HAUS1: variants seen among roughly 807,000 people sequenced by gnomAD.
The protein encoded by HAUS1 is HAUS augmin-like complex subunit 1.
HAUS1 carries 25 observed loss-of-function variants against 38.6 expected under a neutral mutation model. The ratio of observed to expected loss-of-function variants is 0.65; its 90% CI spans 0.47 to 0.91. The LOEUF is 0.91. Ranked by LOEUF, HAUS1 falls within the 40% of genes least tolerant of loss-of-function variation. HAUS1 has a pLI of 0.00. For synonymous variants in HAUS1, 109 were observed against 112.9 expected (o/e 0.97, Z 0.22); for missense variants, 325 against 328.4 (o/e 0.99, Z 0.08).
intron 2 of HAUS1, 180 bp downstream of exon 2, chr18:46,105,548 G>GTA (rs1453402353): frequency 7.7e-5 from 27 of 351,300 alleles, no homozygotes; most frequent in African/African-American, 1.2e-4. Context: ...ATATGTATAT[G>GTA]TATGTGTGTG....
At chr18:46,107,535 C>T (rs1275262952) in intron 2 of HAUS1, among the ~76,000 whole-genome samples, 1 of 152,190 alleles carries the variant, frequency 6.6e-6, no homozygotes, top group Non-Finnish European at 1.5e-5. Flanking sequence ...TGCATCATTA[C>T]TTCTCTTTTC....
chr18:46,123,493 T>C lies in HAUS1; in HGVS notation c.666+129T>C, dbSNP rs1368966842. 9 of 659,202 alleles carry C rather than the reference T, an allele frequency of 1.4e-5. No homozygotes were observed. The African/African-American group carries it at 1.7e-4, about 12-fold the overall frequency. 40.8% of individuals were successfully genotyped at this position (659,202 alleles called of 1,614,324 possible). ...TTTCTTTTCCTTTACCTTTGTACTT[T>C]ATATTCACTGGTATTTATATCTTTT... On this transcript the variant is annotated intron_variant, in intron 6 of 8. Coordinates refer to ENST00000282058, the MANE Select transcript of HAUS1 (RefSeq NM_138443.4).
chr18:46,128,110 C>T lies in HAUS1; in HGVS notation c.822C>T (p.Asp274=), dbSNP rs1912160104. ...AAGCTGAACTTACAAGAAGAGTAGA[C>T]ATGATGGAACTGTGACAAAAGCCAA... The part of the protein sequence containing the change: ...SIEAELTRRV[D]MMEL Residue 274 remains aspartate (D), a synonymous_variant, in exon 9 of 9, where the codon GAC becomes GAT. Transcript: ENST00000282058. 1 of 1,588,586 alleles carries T rather than the reference C, an allele frequency of 6.3e-7. No homozygotes were observed. Among genetic ancestry groups the T allele is most frequent in the Non-Finnish European group, 8.5e-7 (1 of 1,169,682 alleles).
chr18:46,123,083 C>T (rs920738288), intron 5 of HAUS1: 7 of 452,006 alleles, frequency 1.5e-5, no homozygotes, highest in African/African-American at 8.2e-5. Flanking sequence ...TGGTGGTGGG[C>T]GCCTGTAGTC....
At chr18:46,127,022 C>T (rs7229971) in intron 8 of HAUS1, among the ~76,000 whole-genome samples, 24,759 of 151,524 alleles carry the variant, frequency 0.16, 2,916 homozygotes, top group East Asian at 0.42. Context: ...TTTAGTAGGA[C>T]GGGGTTTTGC....
intron 6 of HAUS1, among the ~76,000 whole-genome samples, chr18:46,124,048 T>C (rs1454235428): frequency 6.6e-6 from 1 of 152,112 alleles, no homozygotes; most frequent in Non-Finnish European, 1.5e-5. Context: ...GCCTCCTTTA[T>C]GTTTTGATTC....
chr18:46,126,284 A>G (rs1326649279), intron 8 of HAUS1, among the ~76,000 whole-genome samples: 1 of 152,166 alleles, frequency 6.6e-6, no homozygotes, highest in Non-Finnish European at 1.5e-5. Context: ...CAAAAAACAA[A>G]AAAACACATA....
At chr18:46,123,230 G>A in intron 5 of HAUS1, 69 bp from the exon 6 acceptor site, 2 of 1,098,272 alleles carry the variant, frequency 1.8e-6, no homozygotes, top group Non-Finnish European at 2.7e-6. Context: ...AGAAGAAAAA[G>A]AAAAATATTT....
intron 7 of HAUS1, among the ~76,000 whole-genome samples, 192 bp from the exon 8 acceptor site, chr18:46,125,546 CAAAAAA>C (rs34079682): frequency 0.037 from 4,589 of 122,992 alleles, 238 homozygotes; most frequent in African/African-American, 0.12. Flanking sequence ...GACTCTGTCT[CAAAAAA>C]AAAAAAAAAA....
chr18:46,127,103 G>C (rs887478957), intron 8 of HAUS1, among the ~76,000 whole-genome samples: 67 of 152,042 alleles, frequency 4.4e-4, no homozygotes, highest in Non-Finnish European at 8.2e-4. Context: ...CAAAGTGCTG[G>C]AGTTACAGGC....
At position 46,105,176 on chromosome 18, in the gene HAUS1, C is replaced by G; in HGVS notation, c.31-18C>G. ...AGTAAACAAGGCTTATAATATTTGTCTTTCTTTTAATGGTTAGGTTGCTGC... is the reference window on the plus strand; with the variant it reads ...AGTAAACAAGGCTTATAATATTTGTGTTTCTTTTAATGGTTAGGTTGCTGC... On this transcript the variant is annotated intron_variant, in intron 1 of 8. Transcript: ENST00000282058. The G allele has an allele frequency of 5.7e-6, 9 of 1,576,406 alleles. No homozygotes were observed. The highest frequency in any genetic ancestry group is 7.8e-6 in the Non-Finnish European group (9 of 1,151,252).
intron 2 of HAUS1, among the ~76,000 whole-genome samples, chr18:46,108,173 T>C (rs1318590856): frequency 6.6e-6 from 1 of 152,038 alleles, no homozygotes; most frequent in East Asian, 1.9e-4. Flanking sequence ...GTCTTGTCCC[T>C]AATCCTAGAC....
At chr18:46,106,390 T>C (rs982186764) in intron 2 of HAUS1, among the ~76,000 whole-genome samples, 3 of 150,368 alleles carry the variant, frequency 2.0e-5, no homozygotes, top group Non-Finnish European at 4.4e-5. Context: ...AATGGCGTGA[T>C]CCCAGGAGGC....
chr18:46,118,038 G>T (rs1447043118), intron 2 of HAUS1, 143 bp from the exon 3 acceptor site: 1 of 676,618 alleles, frequency 1.5e-6, no homozygotes, highest in African/African-American at 1.8e-5. Context: ...AGGTTGTACT[G>T]ATGGGGATAC....
intron 2 of HAUS1, among the ~76,000 whole-genome samples, chr18:46,113,057 T>TGG (rs1911713465): frequency 1.5e-5 from 2 of 135,272 alleles, no homozygotes; most frequent in South Asian, 2.1e-4. Context: ...CCATATTATA[T>TGG]ATATAATATA....
At chr18:46,122,138 G>C (rs1911958959) in intron 4 of HAUS1, among the ~76,000 whole-genome samples, 1 of 152,098 alleles carries the variant, frequency 6.6e-6, no homozygotes, top group African/African-American at 2.4e-5. Flanking sequence ...CACTGTGCCT[G>C]GCCATCTACA....
intron 2 of HAUS1, chr18:46,115,360 G>A (rs920178150): frequency 5.3e-5 from 8 of 152,054 alleles, no homozygotes; most frequent in African/African-American, 1.9e-4. Context: ...TAGAGGGGCT[G>A]AGGCAGGAGG....
intron 2 of HAUS1, among the ~76,000 whole-genome samples, chr18:46,107,147 A>T (rs745321928): frequency 2.0e-5 from 3 of 152,256 alleles, no homozygotes; most frequent in East Asian, 3.8e-4. Context: ...CACAATCAAG[A>T]TGCAGAACAG....
chr18:46,118,551 T>G (rs1332978870), intron 3 of HAUS1: 1 of 463,122 alleles, frequency 2.2e-6, no homozygotes. Flanking sequence ...CTCATGTATA[T>G]TTGGAAAGGG....
Sources: gnomAD v4.1 joint callset for allele counts (sites outside exome capture counted in the v4.1 genomes callset) on GRCh38, gnomAD v4.1.1 for gene constraint, MANE v1.5 for transcripts, NCBI Gene and HGNC (gene_info 2026-07-23, HGNC 2026-07-21) for gene names.